SGCD: variants seen among roughly 807,000 people sequenced by gnomAD.
SGCD encodes sarcoglycan delta, also known as delta-sarcoglycan.
Under a neutral mutation model 36.6 loss-of-function variants are expected in SGCD, and 18 were observed. That is an observed-to-expected ratio of 0.49 (90% CI 0.34 to 0.73). The LOEUF is 0.73. Ranked by LOEUF, SGCD falls within the 30% of genes least tolerant of loss-of-function variation. The pLI is 0.01. For missense variants in SGCD, 387 were observed against 346.7 expected, an observed-to-expected ratio of 1.12 and a Z score of -0.92; for synonymous variants, 133 against 130.6, an observed-to-expected ratio of 1.02 and a Z score of -0.12.
the SGCD span, among the ~76,000 whole-genome samples, chr5:155,865,172 A>G: frequency 1.3e-5 from 2 of 152,182 alleles, no homozygotes; most frequent in African/African-American, 4.8e-5. Context: ...ACATTTAAAA[A>G]TTGATGGATT....
At chr5:156,409,551 C>T (rs1772630307) in intron 3 of SGCD, among the ~76,000 whole-genome samples, 1 of 152,190 alleles carries the variant, frequency 6.6e-6, no homozygotes, top group Non-Finnish European at 1.5e-5. Context: ...CCTTGTGTTT[C>T]CTTCCCTTCT....
At chr5:156,673,794 G>C (rs1414213347) in intron 7 of SGCD, among the ~76,000 whole-genome samples, 1 of 152,202 alleles carries the variant, frequency 6.6e-6, no homozygotes, top group Non-Finnish European at 1.5e-5. Context: ...TAATTACAAT[G>C]CTTGTCCCTT....
intron 1 of SGCD, among the ~76,000 whole-genome samples, chr5:155,950,376 TA>T (rs1757525236): frequency 6.6e-6 from 1 of 152,176 alleles, no homozygotes; most frequent in African/African-American, 2.4e-5. Flanking sequence ...TGAACTGTCT[TA>T]GGTCCTATGT....
chr5:156,254,611 G>A (rs956751203), intron 3 of SGCD, among the ~76,000 whole-genome samples: 5 of 152,160 alleles, frequency 3.3e-5, no homozygotes, highest in African/African-American at 9.7e-5. Context: ...TGATTTGAGA[G>A]GCTGAGGTGG....
At chr5:155,849,373 C>A in the SGCD span, among the ~76,000 whole-genome samples, 1 of 151,956 alleles carries the variant, frequency 6.6e-6, no homozygotes, top group African/African-American at 2.4e-5. Context: ...ACAATTTATG[C>A]AGTAAGATGC....
At chr5:156,172,004 C>T (rs1247642193) in intron 3 of SGCD, among the ~76,000 whole-genome samples, 9 of 152,046 alleles carry the variant, frequency 5.9e-5, no homozygotes, top group Admixed American at 5.2e-4. Flanking sequence ...ATCAGCAGGC[C>T]GGTCGTGGTG....
intron 7 of SGCD, among the ~76,000 whole-genome samples, chr5:156,647,976 A>G (rs1177668463): frequency 6.6e-6 from 1 of 152,160 alleles, no homozygotes. Flanking sequence ...CCTTCTGCAG[A>G]TGTTCCAGGT....
chr5:156,293,499 T>C (rs962207433), intron 3 of SGCD, among the ~76,000 whole-genome samples: 1 of 152,290 alleles, frequency 6.6e-6, no homozygotes, highest in East Asian at 1.9e-4. Context: ...TTTTTGTATA[T>C]GTGTTAGGGA....
At chr5:156,577,632 A>C (rs1581196207) in intron 4 of SGCD, among the ~76,000 whole-genome samples, 1 of 152,160 alleles carries the variant, frequency 6.6e-6, no homozygotes, top group Admixed American at 6.5e-5. Flanking sequence ...GGTCCTTCAC[A>C]TCCCTTGTAA....
intron 3 of SGCD, among the ~76,000 whole-genome samples, chr5:156,493,485 T>C (rs1203582036): frequency 6.6e-6 from 1 of 152,158 alleles, no homozygotes; most frequent in Non-Finnish European, 1.5e-5. Flanking sequence ...TCCCTATGGA[T>C]TTTTAATCTT....
Position 156,208,700 on chromosome 5 carries a change from G to A in SGCD, c.-44+84681G>A, listed in dbSNP as rs554425759. On this transcript the variant is annotated intron_variant, in intron 3 of 9. Coordinates refer to the SGCD transcript ENST00000517913. ...TTATTGTGTTTGGTCTTACAATTAT[G>A]TCTTCATTAATTGTCTTTGTGCTTA... Among the ~76,000 whole-genome samples, 87 of 152,202 alleles carry A rather than the reference G, an allele frequency of 5.7e-4. 1 individual carries two copies. Among genetic ancestry groups the A allele is most frequent in the African/African-American group, 2.0e-3 (82 of 41,514 alleles).
chr5:156,352,292 AC>A (rs1769300607), intron 3 of SGCD, among the ~76,000 whole-genome samples: 1 of 152,220 alleles, frequency 6.6e-6, no homozygotes. Flanking sequence ...CTTAGGAGTC[AC>A]CTCATCAGAC....
chr5:156,123,670 T>C (rs956843463), intron 2 of SGCD, among the ~76,000 whole-genome samples: 10 of 152,158 alleles, frequency 6.6e-5, no homozygotes, highest in Non-Finnish European at 1.3e-4. Flanking sequence ...ATGAAATTTT[T>C]TTTTGGTATG....
At chr5:156,030,767 AG>A (rs1198541029) in intron 1 of SGCD, among the ~76,000 whole-genome samples, 2 of 152,152 alleles carry the variant, frequency 1.3e-5, no homozygotes, top group Non-Finnish European at 2.9e-5. Flanking sequence ...GAGAGTGAGC[AG>A]GGTTGGGACA....
At chr5:156,498,263 A>C (rs1357698771) in intron 3 of SGCD, among the ~76,000 whole-genome samples, 2 of 60,514 alleles carry the variant, frequency 3.3e-5, no homozygotes, top group Admixed American at 1.4e-4. Flanking sequence ...TTTCTCTTAC[A>C]AAAAAAAAAA....
intron 3 of SGCD, among the ~76,000 whole-genome samples, chr5:156,205,780 A>G (rs144111531): frequency 7.8e-4 from 118 of 151,978 alleles, no homozygotes; most frequent in African/African-American, 2.8e-3. Flanking sequence ...TTGTATGTGG[A>G]TGAGGATAAA....
chr5:156,582,025 C>A (rs111373067), intron 4 of SGCD, among the ~76,000 whole-genome samples: 1 of 152,272 alleles, frequency 6.6e-6, no homozygotes, highest in African/African-American at 2.4e-5. Context: ...GAGATGCAGA[C>A]CAGAGCTGTT....
At chr5:156,446,022 C>T (rs952355100) in intron 3 of SGCD, among the ~76,000 whole-genome samples, 4 of 151,850 alleles carry the variant, frequency 2.6e-5, no homozygotes, top group Admixed American at 6.6e-5. Context: ...ATATATATTC[C>T]GAAAAAGCAG....
At chr5:156,084,063 T>C (rs1312145422) in intron 1 of SGCD, among the ~76,000 whole-genome samples, 3 of 152,200 alleles carry the variant, frequency 2.0e-5, no homozygotes, top group Admixed American at 6.5e-5. Context: ...TTGTAAAGAT[T>C]GCTTCAAATA....
Sources: allele counts gnomAD v4.1 joint callset (sites outside exome capture counted in the v4.1 genomes callset), GRCh38; gene constraint gnomAD v4.1.1; transcripts MANE v1.5; gene names NCBI Gene and HGNC (gene_info 2026-07-23, HGNC 2026-07-21).